Variants in WDR44 observed in about 807,000 individuals in gnomAD.
WDR44 encodes the protein WD repeat domain 44.
In WDR44, 9 loss-of-function variants were observed where a neutral mutation model predicts 65.7. The ratio of observed to expected loss-of-function variants is 0.14; its 90% CI spans 0.08 to 0.24. The LOEUF is 0.24. Ranked by LOEUF, WDR44 falls within the 10% of genes least tolerant of loss-of-function variation. The pLI is 1.00. For missense variants in WDR44, 425 were observed against 670.9 expected (o/e 0.63, Z 4.05); for synonymous variants, 220 against 235.2 (o/e 0.94, Z 0.59).
chrX:118,406,993 C>G lies in WDR44; in HGVS notation c.1500C>G (p.Ile500Met). The change falls in exon 10 of 20, where the codon ATC becomes ATG. Residue 500 changes from isoleucine (I) to methionine (M), a missense_variant. Physicochemically the swap from Ile to Met is conservative, Grantham distance 10. This residue lies in a region of WDR44 where 77 missense variants were observed against 183.5 expected (regional missense o/e 0.42). Coordinates refer to ENST00000254029, the MANE Select transcript of WDR44 (RefSeq NM_019045.5). ...GFKGPYDFDQ[I>M]KVVQDLSGEH... is the part of the protein sequence containing the mutation. ...AAGGACCTTATGATTTTGATCAGAT[C>G]AAAGTGGTGCAAGATCTTAGTGGTG... 4 of 1,209,548 alleles carry G rather than the reference C, an allele frequency of 3.3e-6. No homozygotes were observed. Among genetic ancestry groups the G allele is most frequent in the Non-Finnish European group, 4.5e-6 (4 of 894,820 alleles).
At chrX:118,391,775 G>A (rs751988298) in intron 3 of WDR44, among the ~76,000 whole-genome samples, 3 of 111,734 alleles carry the variant, frequency 2.7e-5, no homozygotes, top group Non-Finnish European at 5.6e-5. Flanking sequence ...CATGAGGTCG[G>A]GAGTTAAAGG....
At chrX:118,435,989 G>A (rs2057251175) in intron 13 of WDR44, among the ~76,000 whole-genome samples, 1 of 112,058 alleles carries the variant, frequency 8.9e-6, no homozygotes, top group Admixed American at 9.5e-5. Context: ...TTCTCATTCA[G>A]TATAACTCAT....
chrX:118,431,638 T>C (rs1337036711), intron 12 of WDR44, among the ~76,000 whole-genome samples: 1 of 112,180 alleles, frequency 8.9e-6, no homozygotes, highest in African/African-American at 3.2e-5. Context: ...AGTACCTTTC[T>C]ACCCTAATTT....
chrX:118,360,925 C>T (rs772057713), intron 1 of WDR44, among the ~76,000 whole-genome samples: 1 of 111,678 alleles, frequency 9.0e-6, no homozygotes, highest in Non-Finnish European at 1.9e-5. Flanking sequence ...CATGTCATTG[C>T]TCCTTTTTAC....
intron 12 of WDR44, among the ~76,000 whole-genome samples, chrX:118,412,096 A>C (rs758725941): frequency 8.9e-6 from 1 of 112,215 alleles, no homozygotes; most frequent in East Asian, 2.8e-4. Context: ...TGTTAGGAAT[A>C]GTTTCCTGGA....
intron 12 of WDR44, among the ~76,000 whole-genome samples, chrX:118,429,634 T>A (rs2057190301): frequency 9.0e-6 from 1 of 110,929 alleles, no homozygotes. Context: ...TGGATAAAGA[T>A]TCAAAGATTC....
intron 12 of WDR44, among the ~76,000 whole-genome samples, chrX:118,414,115 G>A (rs1182520328): frequency 4.5e-5 from 5 of 110,561 alleles, no homozygotes; most frequent in African/African-American, 6.6e-5. Context: ...TAAGTGTGAC[G>A]CCTCCGTATT....
chrX:118,431,442 T>G (rs1160887024), intron 12 of WDR44, among the ~76,000 whole-genome samples: 1 of 111,737 alleles, frequency 8.9e-6, no homozygotes, highest in East Asian at 2.8e-4. Flanking sequence ...TAGCTGGGAT[T>G]ACAGGCATGC....
intron 3 of WDR44, among the ~76,000 whole-genome samples, chrX:118,389,487 G>A (rs5956048): frequency 0.16 from 17,366 of 109,929 alleles, 2,482 homozygotes; most frequent in African/African-American, 0.44. Flanking sequence ...TTGGGAGGCC[G>A]AGGCAGGCGG....
chrX:118,363,017 C>G (rs1202787442), intron 1 of WDR44, among the ~76,000 whole-genome samples: 1 of 108,111 alleles, frequency 9.2e-6, no homozygotes, highest in Non-Finnish European at 1.9e-5. Flanking sequence ...TTTACTCTCA[C>G]GGGAATACTA....
intron 1 of WDR44, among the ~76,000 whole-genome samples, chrX:118,354,277 A>G (rs2056439781): frequency 9.1e-6 from 1 of 110,130 alleles, no homozygotes; most frequent in Non-Finnish European, 1.9e-5. Context: ...AATTAGTTGG[A>G]CATGATGGTG....
intron 1 of WDR44, among the ~76,000 whole-genome samples, chrX:118,377,525 TTAAAA>T (rs1487967443): frequency 9.0e-6 from 1 of 111,234 alleles, no homozygotes; most frequent in Non-Finnish European, 1.9e-5. Context: ...AAAAAAAAGT[TTAAAA>T]TAACACTTAT....
rs1479515675 is a variant in WDR44 at position 118,443,696 on chromosome X, A to T, written c.2512+9A>T. ...CTGGGAAGGTATTAAAGGTAAGTAC[A>T]TACTTGCTTTTGTGTGTCTTATAAG... On this transcript the variant is annotated intron_variant, in intron 18 of 19. Coordinates refer to ENST00000254029, the MANE Select transcript of WDR44 (RefSeq NM_019045.5). 1 of 1,190,238 alleles carries T rather than the reference A, an allele frequency of 8.4e-7. No individual in the cohort carries two copies. Among genetic ancestry groups the T allele is most frequent in the Non-Finnish European group, 1.1e-6 (1 of 884,280 alleles).
intron 1 of WDR44, among the ~76,000 whole-genome samples, chrX:118,354,116 T>C (rs1427567669): frequency 9.0e-6 from 1 of 111,503 alleles, no homozygotes; most frequent in African/African-American, 3.3e-5. Flanking sequence ...TTTACCTGTT[T>C]TGGTCAAAAC....
intron 13 of WDR44, among the ~76,000 whole-genome samples, chrX:118,433,453 A>G (rs2057228201): frequency 9.0e-6 from 1 of 111,432 alleles, no homozygotes; most frequent in African/African-American, 3.3e-5. Context: ...AGTACTTTTC[A>G]TTCACTCAAA....
At chrX:118,351,111 C>G (rs1439002070) in intron 1 of WDR44, among the ~76,000 whole-genome samples, 4 of 112,374 alleles carry the variant, frequency 3.6e-5, no homozygotes, top group Non-Finnish European at 7.5e-5. Flanking sequence ...AGGTCTTGAA[C>G]TATTTTAGAA....
At chrX:118,376,837 T>C (rs372959825) in intron 1 of WDR44, among the ~76,000 whole-genome samples, 2 of 109,718 alleles carry the variant, frequency 1.8e-5, no homozygotes, top group East Asian at 2.9e-4. Flanking sequence ...ACCCCGTCTC[T>C]ATACAAAAGT....
chrX:118,429,273 C>T (rs4515723), intron 12 of WDR44, among the ~76,000 whole-genome samples: 14,729 of 110,212 alleles, frequency 0.13, 1,103 homozygotes, highest in African/African-American at 0.28. Flanking sequence ...ACTTTTTGAC[C>T]CAGTAATAAC....
intron 12 of WDR44, among the ~76,000 whole-genome samples, chrX:118,427,956 T>C (rs2057173559): frequency 1.8e-5 from 2 of 109,731 alleles, no homozygotes; most frequent in South Asian, 8.2e-4. Flanking sequence ...ATTACAGGCG[T>C]GAGCCACTGT....
Sources: gnomAD v4.1 joint callset for allele counts (sites outside exome capture counted in the v4.1 genomes callset) on GRCh38, gnomAD v4.1.1 for gene constraint, gnomAD v4.1.1 regional missense constraint, MANE v1.5 for transcripts, NCBI Gene and HGNC (gene_info 2026-07-23, HGNC 2026-07-21) for gene names.